Variants in ABCA6 observed in about 807,000 individuals in gnomAD.
ABCA6 encodes the protein ATP binding cassette subfamily A member 6.
In ABCA6, 164 loss-of-function variants were observed where a neutral mutation model predicts 191.2. The ratio of observed to expected loss-of-function variants is 0.86; its 90% CI spans 0.76 to 0.98. ABCA6 has a LOEUF of 0.98. Among genes scored for constraint, ABCA6 ranks in the 50% least tolerant of loss-of-function variants. The pLI, the probability that ABCA6 is intolerant of heterozygous loss-of-function variation, is 0.00. For missense variants in ABCA6, 1,958 were observed against 1,894.1 expected, an observed-to-expected ratio of 1.03 and a Z score of -0.63; for synonymous variants, 636 against 647.7, an observed-to-expected ratio of 0.98 and a Z score of 0.27.
At chr17:69,087,308 C>G in intron 29 of ABCA6, 45 bp downstream of exon 29, 1 of 1,599,268 alleles carries the variant, frequency 6.3e-7, no homozygotes, top group South Asian at 1.1e-5. Context: ...CTTGACAGTT[C>G]TTGAATATCT....
chr17:69,126,292 C>A (rs1360536203), intron 8 of ABCA6, among the ~76,000 whole-genome samples: 1 of 152,070 alleles, frequency 6.6e-6, no homozygotes, highest in African/African-American at 2.4e-5. Flanking sequence ...TTTATAACAG[C>A]ATGAAAAATA....
At chr17:69,127,007 T>C (rs1211053638) in intron 8 of ABCA6, among the ~76,000 whole-genome samples, 2 of 152,176 alleles carry the variant, frequency 1.3e-5, no homozygotes, top group African/African-American at 4.8e-5. Context: ...CAATACATGA[T>C]TGGCTGAGTT....
At position 69,110,877 on chromosome 17, in the gene ABCA6, G is replaced by A. The variant is rs199854773; in HGVS notation, c.2196C>T (p.Pro732=). ...QITSFITHHI[P]DAKLKTENKE... ...TGTTTTCTGTTTTTAATTTAGCATC[G>A]GGGATGTGATGAGTAATGAAGGATG... The change falls in exon 17 of 39, where the codon CCC becomes CCT. Residue 732 remains proline (P), a synonymous_variant. Transcript: ENST00000284425. 11 of 1,611,734 alleles carry A rather than the reference G, an allele frequency of 6.8e-6. No homozygotes were observed. Among genetic ancestry groups the A allele is most frequent in the Admixed American group, 3.3e-5 (2 of 59,768 alleles).
At chr17:69,127,698 G>A (rs1208141161) in intron 8 of ABCA6, among the ~76,000 whole-genome samples, 3 of 152,052 alleles carry the variant, frequency 2.0e-5, no homozygotes, top group East Asian at 1.9e-4. Context: ...CAACCACTTT[G>A]GGAAAATATT....
At chr17:69,139,702 G>GT (rs2144729627) in intron 2 of ABCA6, among the ~76,000 whole-genome samples, 1 of 152,196 alleles carries the variant, frequency 6.6e-6, no homozygotes, top group Admixed American at 6.5e-5. Flanking sequence ...CAACCCAAAT[G>GT]TCCGACAATG....
At position 69,082,980 on chromosome 17, in the gene ABCA6, T is replaced by A. The variant is rs1255039397; in HGVS notation, c.4509A>T (p.Lys1503Asn). Reference protein sequence around the residue: ...CIGSIQHLKNKLGKDYILELK... With the variant: ...CIGSIQHLKNNLGKDYILELK... The stretch of plus-strand genomic sequence containing the variant: ...GCTCTAGAATGTAATCCTTGCCAAG[T>A]TTGTTTTTCAGGTGTTGGATGGAGC... Residue 1503 changes from lysine to asparagine, a missense_variant, in exon 36 of 39, where the codon AAA becomes AAT. By Grantham distance (94) the Lys-to-Asn change is moderately conservative. Transcript: ENST00000284425. The A allele has an allele frequency of 3.1e-6, 5 of 1,614,056 alleles. No homozygotes were observed. The highest frequency in any genetic ancestry group is 3.4e-6 in the Non-Finnish European group (4 of 1,180,018).
intron 36 of ABCA6, among the ~76,000 whole-genome samples, chr17:69,081,990 A>G (rs1242894187): frequency 1.3e-5 from 2 of 152,112 alleles, no homozygotes; most frequent in East Asian, 3.9e-4. Flanking sequence ...TTATTCCCAA[A>G]CAGGGGTTTG....
At position 69,085,577 on chromosome 17, in the gene ABCA6, C is replaced by T. The variant is rs151121644; in HGVS notation, c.4029+48G>A. ...TAGTCTTACAAAGATATAATCTATACGTATCATGAAATTCCTGTTTTGGAA... is the reference window on the plus strand; with the variant it reads ...TAGTCTTACAAAGATATAATCTATATGTATCATGAAATTCCTGTTTTGGAA... On this transcript the variant is annotated intron_variant, in intron 31 of 38. Coordinates refer to ENST00000284425, the MANE Select transcript of ABCA6 (RefSeq NM_080284.3). 1,507 of 1,218,748 alleles carry T rather than the reference C, an allele frequency of 1.2e-3. 7 individuals are homozygous for T. Among genetic ancestry groups the T allele is most frequent in the Non-Finnish European group, 1.4e-3 (1,191 of 835,702 alleles). 75.5% of individuals were successfully genotyped at this position (1,218,748 alleles called of 1,614,324 possible).
At chr17:69,088,469 T>A (rs969036467) in intron 27 of ABCA6, among the ~76,000 whole-genome samples, 1 of 152,090 alleles carries the variant, frequency 6.6e-6, no homozygotes, top group Admixed American at 6.5e-5. Context: ...GTAAGTAAAT[T>A]CTATCTACTC....
chr17:69,112,070 A>G (rs1598472555), intron 16 of ABCA6, 113 bp downstream of exon 16: 1 of 744,118 alleles, frequency 1.3e-6, no homozygotes, highest in African/African-American at 1.8e-5. Context: ...AACACTGATC[A>G]ATCCAGTATG....
intron 2 of ABCA6, 60 bp from the exon 3 acceptor site, chr17:69,137,560 G>A: frequency 1.3e-6 from 2 of 1,493,200 alleles, no homozygotes; most frequent in South Asian, 2.5e-5. Context: ...AAAGATCTCA[G>A]TTAATACAAA....
intron 4 of ABCA6, 144 bp from the exon 5 acceptor site, chr17:69,134,886 G>GTTTTT: frequency 7.9e-6 from 1 of 127,064 alleles, no homozygotes; most frequent in South Asian, 7.2e-5. Flanking sequence ...TGTTGTGGTT[G>GTTTTT]TCTTTTTTTT....
At chr17:69,116,253 C>T (rs1159159896) in intron 11 of ABCA6, among the ~76,000 whole-genome samples, 1 of 152,058 alleles carries the variant, frequency 6.6e-6, no homozygotes, top group Non-Finnish European at 1.5e-5. Context: ...GCCTCAGTTT[C>T]GTCATCTGCA....
chr17:69,105,509 T>A lies in ABCA6; in HGVS notation c.2693A>T (p.Gln898Leu). ...KNELYFLSPG[Q>L]LPQEPRTSLL... ...GCTGGTACGGGGTTCCTGGGGAAGT[T>A]GTCCAGGAGAGAGAAAATACAATTC... The change falls in exon 20 of 39, where the codon CAA becomes CTA. Residue 898 changes from glutamine (Q) to leucine (L), a missense_variant. Transcript: ENST00000284425. 3 of 1,611,512 alleles carry A rather than the reference T, an allele frequency of 1.9e-6. No homozygotes were observed. The highest frequency in any genetic ancestry group is 2.5e-6 in the Non-Finnish European group (3 of 1,179,452).
Position 69,102,583 on chromosome 17 carries a change from A to G in ABCA6, c.2874+252T>C. 2.6e-5 allele frequency among the ~76,000 whole-genome samples: 4 copies of G among 152,294 alleles called. 1 individual carries two copies. Among genetic ancestry groups the G allele is most frequent in the Admixed American group, 2.6e-4 (4 of 15,284 alleles). On this transcript the variant is annotated intron_variant, in intron 21 of 38. Coordinates refer to ENST00000284425, the MANE Select transcript of ABCA6 (RefSeq NM_080284.3). ...TATTGGTTGATAATTATAAGCTATAATATTTTTATTGAGTTTAAACAGTAC... is the reference window on the plus strand; with the variant it reads ...TATTGGTTGATAATTATAAGCTATAGTATTTTTATTGAGTTTAAACAGTAC...
chr17:69,102,893 C>A lies in ABCA6; in HGVS notation c.2816G>T (p.Arg939Ile), dbSNP rs146449708. 3.2e-4 allele frequency: 517 copies of A among 1,601,174 alleles called. 3 individuals are homozygous for A. The African/African-American group carries it at 6.3e-3, about 19-fold the overall frequency. ...GTATGAGAGGCCATCAGTACCATTT[C>A]TGTTTTCAAAGTCATCTACTTCCAA... ...ILLEVDDFEN[R>I]NGTDGLSYNG... Residue 939 changes from arginine (R) to isoleucine (I), a missense_variant, in exon 21 of 39, where the codon AGA becomes ATA. Transcript: ENST00000284425.
intron 4 of ABCA6, 62 bp from the exon 5 acceptor site, chr17:69,134,804 A>G: frequency 8.4e-7 from 1 of 1,183,956 alleles, no homozygotes; most frequent in Non-Finnish European, 1.2e-6. Flanking sequence ...AGAATATGAA[A>G]CAAGTATTGA....
At chr17:69,136,018 G>C in intron 4 of ABCA6, 74 bp downstream of exon 4, 1 of 1,406,032 alleles carries the variant, frequency 7.1e-7, no homozygotes, top group Non-Finnish European at 9.9e-7. Flanking sequence ...AAGCATCTCT[G>C]TTGCCCAACC....
chr17:69,085,861 C>A lies in ABCA6; in HGVS notation c.3938-145G>T, dbSNP rs912195027. On this transcript the variant is annotated intron_variant, in intron 30 of 38. Coordinates refer to ENST00000284425, the MANE Select transcript of ABCA6 (RefSeq NM_080284.3). Reference sequence around the variant, plus strand: ...ATAACATATATGTAATCCACGTCACCAAAGCATGTTCTTTATTTTCTGTAA... The same window carrying A: ...ATAACATATATGTAATCCACGTCACAAAAGCATGTTCTTTATTTTCTGTAA... 1.5e-5 allele frequency: 9 copies of A among 601,350 alleles called. No homozygotes were observed. The African/African-American group carries it at 1.6e-4, about 10-fold the overall frequency. The allele number at this position is 601,350 out of a possible 1,614,324, so 37.3% of individuals were successfully genotyped here.
Sources: gnomAD v4.1 joint callset for allele counts (sites outside exome capture counted in the v4.1 genomes callset) on GRCh38, gnomAD v4.1.1 for gene constraint, MANE v1.5 for transcripts, NCBI Gene and HGNC (gene_info 2026-07-23, HGNC 2026-07-21) for gene names.